MTAP: variants seen among roughly 807,000 people sequenced by gnomAD.
MTAP encodes S-methyl-5'-thioadenosine phosphorylase.
In MTAP, 33 loss-of-function variants were observed where a neutral mutation model predicts 33.6. That is an observed-to-expected ratio of 0.98 (90% CI 0.74 to 1.31). The LOEUF (loss-of-function observed/expected upper bound fraction) is 1.31, where lower values mean the gene tolerates loss of function less well. MTAP is among the 40% of genes most tolerant of loss of function. The pLI is 0.00. For missense variants in MTAP, 367 were observed against 360.0 expected, an observed-to-expected ratio of 1.02 and a Z score of -0.16; for synonymous variants, 148 against 125.7, an observed-to-expected ratio of 1.18 and a Z score of -1.19.
chr9:21,824,677 T>A (rs1025918811), intron 4 of MTAP, among the ~76,000 whole-genome samples: 1 of 152,204 alleles, frequency 6.6e-6, no homozygotes, highest in African/African-American at 2.4e-5. Flanking sequence ...GCCTTTTGTT[T>A]GGCTATGCCC....
intron 2 of MTAP, 37 bp downstream of exon 2, chr9:21,815,556 T>C: frequency 7.5e-7 from 1 of 1,335,628 alleles, no homozygotes; most frequent in Admixed American, 1.8e-5. Flanking sequence ...TTTTTTAGTT[T>C]TTTCATTTCT....
At chr9:21,887,261 C>T (rs1818126667) in intron 1 of MTAP, among the ~76,000 whole-genome samples, 1 of 151,954 alleles carries the variant, frequency 6.6e-6, no homozygotes, top group Admixed American at 6.5e-5. Flanking sequence ...TCCTTCCCCT[C>T]TCCCCCCACC....
At position 21,826,978 on chromosome 9, in the gene MTAP, C is replaced by G. The variant is rs972187862; in HGVS notation, c.347+8776C>G. Reference sequence around the variant, plus strand: ...TGTGTTGTGCACTCCTTATGAAAATCTAACTAATGCCTGATGATCTGAGGT... The same window carrying G: ...TGTGTTGTGCACTCCTTATGAAAATGTAACTAATGCCTGATGATCTGAGGT... On this transcript the variant is annotated intron_variant, in intron 4 of 7. Transcript: ENST00000644715. 3.3e-5 allele frequency among the ~76,000 whole-genome samples: 5 copies of G among 152,130 alleles called. No homozygotes were observed. The East Asian group carries it at 9.6e-4, about 29-fold the overall frequency.
chr9:21,896,042 A>G (rs1426756062), intron 1 of MTAP, among the ~76,000 whole-genome samples: 3 of 152,258 alleles, frequency 2.0e-5, no homozygotes. Flanking sequence ...GTAAAAGAAC[A>G]GAAATTATAA....
chr9:21,866,308 A>G lies in MTAP; in HGVS notation c.*4294A>G, dbSNP rs765014651. ...CTCTTTTTCAGATATGTGTGTTGTG[A>G]CTATTCTTAGTCTTTAGCTTGCCTT... On this transcript the variant is annotated 3_prime_UTR_variant, in exon 8 of 8. Transcript: ENST00000644715. 6.6e-6 allele frequency: 1 copy of G among 152,092 alleles called. No homozygotes were observed. The highest frequency in any genetic ancestry group is 1.5e-5 in the Non-Finnish European group (1 of 67,986). The allele number at this position is 152,092 out of a possible 1,614,324, so 9.4% of individuals were successfully genotyped here.
Position 21,810,085 on chromosome 9 carries a change from C to G in MTAP, c.34-5348C>G, listed in dbSNP as rs572417495. 1.1e-4 allele frequency among the ~76,000 whole-genome samples: 17 copies of G among 152,306 alleles called. 1 individual carries two copies. The South Asian group carries it at 2.9e-3, about 26-fold the overall frequency. On this transcript the variant is annotated intron_variant, in intron 1 of 7. Coordinates refer to ENST00000644715, the MANE Select transcript of MTAP (RefSeq NM_002451.4). Reference sequence around the variant, plus strand: ...AAAATATAGAGTCACTGTATTAGTTCGCTAGGCCTGCTATAACAAAGCACT... The same window carrying G: ...AAAATATAGAGTCACTGTATTAGTTGGCTAGGCCTGCTATAACAAAGCACT...
exon 8 of MTAP, chr9:21,937,399 C>A (rs1260676977): frequency 6.6e-6 from 1 of 152,014 alleles, no homozygotes; most frequent in Non-Finnish European, 1.5e-5. Flanking sequence ...TTGGTCTTCT[C>A]TGTGAAAATG....
rs758564621 is a variant in MTAP, at chr9:21,802,775, C to A, written c.27C>A (p.Ala9=). 1.2e-6 allele frequency: 2 copies of A among 1,613,118 alleles called. No individual in the cohort carries two copies. Among genetic ancestry groups the A allele is most frequent in the Non-Finnish European group, 1.7e-6 (2 of 1,179,894 alleles). MASGTTTT[A]VKIGIIGGTG... ...TGGCCTCTGGCACCACCACCACCGC[C>A]GTGAAGGTGAGATGAGCCCTCCCAG... The change falls in exon 1 of 8, where the codon GCC becomes GCA. Residue 9 remains alanine (A), a synonymous_variant. Coordinates refer to ENST00000644715, the MANE Select transcript of MTAP (RefSeq NM_002451.4).
At chr9:21,933,657 T>G (rs747721870), downstream of MTAP, 1 of 152,240 alleles carries the variant, frequency 6.6e-6, no homozygotes, top group African/African-American at 2.4e-5. Flanking sequence ...TAATCTTAAC[T>G]TGTTCCATCT....
intron 4 of MTAP, among the ~76,000 whole-genome samples, chr9:21,828,955 A>T (rs1339239396): frequency 1.3e-5 from 2 of 152,148 alleles, no homozygotes; most frequent in African/African-American, 4.8e-5. Context: ...CACATATATC[A>T]TTCATTATGT....
chr9:21,844,947 C>T (rs1014580139), intron 5 of MTAP, among the ~76,000 whole-genome samples: 5 of 151,314 alleles, frequency 3.3e-5, no homozygotes, highest in South Asian at 2.1e-4. Context: ...CAGTGAATGG[C>T]GTGAACCCGG....
intron 5 of MTAP, among the ~76,000 whole-genome samples, chr9:21,841,909 A>G (rs28786432): frequency 0.016 from 2,465 of 152,254 alleles, 72 homozygotes; most frequent in African/African-American, 0.053. Flanking sequence ...CTCCCTAGCA[A>G]TGGATCCAAA....
intron 4 of MTAP, among the ~76,000 whole-genome samples, chr9:21,837,578 T>C (rs1825141706): frequency 6.6e-6 from 1 of 152,210 alleles, no homozygotes; most frequent in Admixed American, 6.5e-5. Context: ...TGAAACATTT[T>C]TGTATTGACT....
intron 1 of MTAP, among the ~76,000 whole-genome samples, chr9:21,902,264 T>C (rs1818404956): frequency 6.6e-6 from 1 of 152,226 alleles, no homozygotes; most frequent in Non-Finnish European, 1.5e-5. Flanking sequence ...CCTGCTAAGC[T>C]AGTGTCCCTT....
intron 5 of MTAP, among the ~76,000 whole-genome samples, chr9:21,842,820 C>G (rs1378127860): frequency 6.6e-6 from 1 of 152,154 alleles, no homozygotes; most frequent in Non-Finnish European, 1.5e-5. Flanking sequence ...AAGCGTAAAT[C>G]TCACAAGACC....
chr9:21,824,000 C>G (rs1824718841), intron 4 of MTAP, among the ~76,000 whole-genome samples: 1 of 152,194 alleles, frequency 6.6e-6, no homozygotes, highest in Non-Finnish European at 1.5e-5. Context: ...TTCTAGTTAG[C>G]CATTCGTCTA....
chr9:21,806,301 T>A (rs1052981929), intron 1 of MTAP, among the ~76,000 whole-genome samples: 1 of 151,740 alleles, frequency 6.6e-6, no homozygotes, highest in East Asian at 1.9e-4. Flanking sequence ...ATGGATAAGA[T>A]GTGGGGAGTG....
intron 1 of MTAP, chr9:21,803,030 A>ACACACACACACACC: frequency 2.0e-6 from 2 of 1,006,532 alleles, no homozygotes; most frequent in South Asian, 2.3e-5. Flanking sequence ...ACACACACAC[A>ACACACACACACACC]CACACACCAC....
At chr9:21,822,821 G>A (rs1824680800) in intron 4 of MTAP, among the ~76,000 whole-genome samples, 1 of 152,204 alleles carries the variant, frequency 6.6e-6, no homozygotes, top group Non-Finnish European at 1.5e-5. Context: ...CCTGTATTGG[G>A]TGCATATAGA....
Sources: gnomAD v4.1 joint callset for allele counts (sites outside exome capture counted in the v4.1 genomes callset) on GRCh38, gnomAD v4.1.1 for gene constraint, MANE v1.5 for transcripts, NCBI Gene and HGNC (gene_info 2026-07-23, HGNC 2026-07-21) for gene names.